Variants in SSPN observed in about 807,000 individuals in gnomAD.
SSPN encodes the protein K-ras oncogene-associated protein.
In SSPN, 15 loss-of-function variants were observed where a neutral mutation model predicts 19.1. The observed-to-expected ratio is 0.78, with a 90% CI of 0.52 to 1.21. The LOEUF (loss-of-function observed/expected upper bound fraction) is 1.21, where lower values mean the gene tolerates loss of function less well. SSPN is among the 50% of genes most tolerant of loss of function. The pLI is 0.00. For missense variants in SSPN, 291 were observed against 314.0 expected (o/e 0.93, Z 0.55); for synonymous variants, 147 against 140.3 (o/e 1.05, Z -0.34).
chr12:26,140,668 C>T (rs1944455302), intron 1 of SSPN, among the ~76,000 whole-genome samples: 1 of 152,128 alleles, frequency 6.6e-6, no homozygotes, highest in African/African-American at 2.4e-5. Flanking sequence ...CCTTCCCCTT[C>T]ACTCTCTTCC....
upstream of SSPN, among the ~76,000 whole-genome samples, chr12:26,191,535 T>C (rs1450829806): frequency 6.6e-6 from 1 of 152,178 alleles, no homozygotes; most frequent in East Asian, 1.9e-4. Context: ...ATATGATATT[T>C]AACTTGAAAA....
At chr12:26,183,265 C>T (rs1468093665) in intron 1 of SSPN, among the ~76,000 whole-genome samples, 2 of 152,170 alleles carry the variant, frequency 1.3e-5, no homozygotes, top group Non-Finnish European at 1.5e-5. Context: ...ATTAGTATAT[C>T]ATACCTACCT....
chr12:26,131,549 A>G (rs1944397543), intron 1 of SSPN, among the ~76,000 whole-genome samples: 1 of 152,220 alleles, frequency 6.6e-6, no homozygotes, highest in Non-Finnish European at 1.5e-5. Flanking sequence ...ACACTTATGT[A>G]GCATACAATT....
chr12:26,124,970 G>A (rs1160472597), intron 1 of SSPN: 1 of 634,096 alleles, frequency 1.6e-6, no homozygotes, highest in Non-Finnish European at 2.9e-6. Flanking sequence ...ACACACACAC[G>A]CACACACACG....
chr12:26,181,218 C>T (rs982137571), intron 1 of SSPN: 11 of 152,180 alleles, frequency 7.2e-5, no homozygotes, highest in Non-Finnish European at 1.0e-4. Context: ...AAGTTTACTA[C>T]TCATTTTTTT....
intron 1 of SSPN, among the ~76,000 whole-genome samples, chr12:26,200,993 C>A (rs1376367180): frequency 2.1e-5 from 2 of 94,462 alleles, no homozygotes; most frequent in Admixed American, 1.3e-4. Flanking sequence ...ATTATTCTGG[C>A]AAAAGAAGTT....
At chr12:26,207,406 A>G (rs1360299018) in intron 1 of SSPN, among the ~76,000 whole-genome samples, 1 of 152,178 alleles carries the variant, frequency 6.6e-6, no homozygotes, top group Non-Finnish European at 1.5e-5. Flanking sequence ...ATTATTTTTT[A>G]AGAAAGGAAA....
intron 1 of SSPN, among the ~76,000 whole-genome samples, chr12:26,130,890 T>C (rs76304208): frequency 0.044 from 5,947 of 135,600 alleles, 148 homozygotes; most frequent in South Asian, 0.073. Context: ...GCAAGGTCTC[T>C]TAAGGAGCTT....
chr12:26,123,219 G>C, intron 1 of SSPN: 1 of 1,523,888 alleles, frequency 6.6e-7, no homozygotes, highest in Non-Finnish European at 8.8e-7. Context: ...GAGGCAAGAA[G>C]AAACATACCC....
intron 1 of SSPN, among the ~76,000 whole-genome samples, chr12:26,158,349 C>T (rs1944567785): frequency 6.6e-6 from 1 of 151,346 alleles, no homozygotes; most frequent in Non-Finnish European, 1.5e-5. Flanking sequence ...TTTGTGAATC[C>T]TTACTTCCCA....
rs779700008 is a variant in SSPN at position 26,195,913 on chromosome 12, C to CTGCT, written c.242_245dup (p.Val83AlafsTer31). On this transcript the variant is annotated frameshift_variant, in exon 1 of 3. Coordinates refer to ENST00000242729, the MANE Select transcript of SSPN (RefSeq NM_005086.5). LOFTEE classifies it high-confidence loss of function. Reference sequence around the variant, plus strand: ...CCTCATGGCGAGCATCAGCTCCTCCCTGCTAGTCAGGGACACTCCATTTTG... The same window carrying CTGCT: ...CCTCATGGCGAGCATCAGCTCCTCCCTGCTTGCTAGTCAGGGACACTCCATTTTG... 4 of 1,574,012 alleles carry CTGCT rather than the reference C, an allele frequency of 2.5e-6. No individual in the cohort carries two copies. Among genetic ancestry groups the CTGCT allele is most frequent in the Non-Finnish European group, 3.4e-6 (4 of 1,163,046 alleles).
intron 1 of SSPN, among the ~76,000 whole-genome samples, chr12:26,151,015 T>C (rs1338377471): frequency 6.6e-6 from 1 of 152,182 alleles, no homozygotes; most frequent in Non-Finnish European, 1.5e-5. Flanking sequence ...CCAGAATTTT[T>C]TGAGATACAG....
At position 26,172,732 on chromosome 12, in the gene SSPN, T is replaced by TA. The variant is rs1157281783; in HGVS notation, c.-31+50582dup. On this transcript the variant is annotated intron_variant, in intron 1 of 2. Coordinates refer to the SSPN transcript ENST00000538142. ...GAATATCCTCAAAAACACTTGTTTT[T>TA]AATCATTCTGTTACATGGAATCCAC... 2.0e-5 allele frequency among the ~76,000 whole-genome samples: 3 copies of TA among 152,252 alleles called. No homozygotes were observed. The East Asian group carries it at 5.8e-4, about 29-fold the overall frequency.
chr12:26,122,172 T>G (rs1944312317), intron 1 of SSPN: 1 of 1,505,026 alleles, frequency 6.6e-7, no homozygotes, highest in Admixed American at 2.2e-5. Flanking sequence ...GCCGTGCGGG[T>G]GCTGGGGGTG....
intron 1 of SSPN, among the ~76,000 whole-genome samples, chr12:26,139,254 C>T (rs904744324): frequency 3.9e-5 from 6 of 152,106 alleles, no homozygotes; most frequent in African/African-American, 1.4e-4. Flanking sequence ...CCTATGAGTG[C>T]AATTAATTCC....
chr12:26,174,507 T>TCCCTTC (rs147707217), intron 1 of SSPN, among the ~76,000 whole-genome samples: 2 of 116,750 alleles, frequency 1.7e-5, no homozygotes, highest in African/African-American at 4.1e-5. Flanking sequence ...TTCCTTCCCT[T>TCCCTTC]CCTTCCTTCC....
chr12:26,131,589 T>C (rs941557638), intron 1 of SSPN, among the ~76,000 whole-genome samples: 1 of 152,208 alleles, frequency 6.6e-6, no homozygotes, highest in Non-Finnish European at 1.5e-5. Context: ...GTGGGAGGGC[T>C]ATGCTATCCA....
chr12:26,223,971 A>G (rs967329871), intron 1 of SSPN, among the ~76,000 whole-genome samples: 23 of 152,172 alleles, frequency 1.5e-4, no homozygotes, highest in Non-Finnish European at 3.1e-4. Context: ...TTTGGTGTGC[A>G]TTCATTTTGG....
chr12:26,192,755 T>C (rs1944797092), upstream of SSPN, among the ~76,000 whole-genome samples: 1 of 152,246 alleles, frequency 6.6e-6, no homozygotes, highest in African/African-American at 2.4e-5. Flanking sequence ...GTCTGGGATG[T>C]TGTTCATTTA....
Sources: allele counts gnomAD v4.1 joint callset (sites outside exome capture counted in the v4.1 genomes callset), GRCh38; gene constraint gnomAD v4.1.1; transcripts MANE v1.5; gene names NCBI Gene and HGNC (gene_info 2026-07-23, HGNC 2026-07-21).